Variants in HMCN2 observed in about 807,000 individuals in gnomAD.
HMCN2 encodes the protein hemicentin-2.
A neutral mutation model predicts 377.5 loss-of-function variants in HMCN2; 325 were observed. The ratio of observed to expected loss-of-function variants is 0.86; its 90% CI spans 0.79 to 0.94. HMCN2 has a LOEUF of 0.94. Among genes scored for constraint, HMCN2 ranks in the 40% least tolerant of loss-of-function variants. The pLI is 0.00. For synonymous variants in HMCN2, 2,007 were observed against 2,046.8 expected, an observed-to-expected ratio of 0.98 and a Z score of 0.53; for missense variants, 4,543 against 4,725.3, an observed-to-expected ratio of 0.96 and a Z score of 1.13.
In HMCN2 at chr9:130,304,042, G is replaced by C. The variant is rs1554935611; in HGVS notation, c.1543+434G>C. Among the ~76,000 whole-genome samples the C allele has an allele frequency of 6.6e-6, 1 of 152,164 alleles. No homozygotes were observed. Among genetic ancestry groups the C allele is most frequent in the African/African-American group, 2.4e-5 (1 of 41,434 alleles). On this transcript the variant is annotated intron_variant, in intron 10 of 97. Coordinates refer to ENST00000683500, the MANE Select transcript of HMCN2 (RefSeq NM_001291815.2). This position sits in a 1 kb window ranked among gnomAD's most constrained non-coding sequence, Gnocchi z 4.3. Reference sequence around the variant, plus strand: ...AAAAATTACGAACGCAAGCTGCTTTGTAGAGAAAAAAAGGAACCCGTAAGC... The same window carrying C: ...AAAAATTACGAACGCAAGCTGCTTTCTAGAGAAAAAAAGGAACCCGTAAGC...
intron 1 of HMCN2, among the ~76,000 whole-genome samples, chr9:130,270,583 C>T (rs1834362532): frequency 6.7e-6 from 1 of 148,446 alleles, no homozygotes; most frequent in Non-Finnish European, 1.5e-5. Context: ...AAAACAACAA[C>T]AACAAAAAGA....
chr9:130,315,121 T>G (rs900082670), intron 15 of HMCN2, among the ~76,000 whole-genome samples: 7 of 150,280 alleles, frequency 4.7e-5, no homozygotes, highest in Non-Finnish European at 1.0e-4. Context: ...CAGCCTCACC[T>G]GCAAGCAGGA....
chr9:130,372,999 C>CT (rs55770008), intron 47 of HMCN2, 39 bp from the exon 48 acceptor site: 13 of 149,014 alleles, frequency 8.7e-5, no homozygotes, highest in African/African-American at 3.2e-4. Context: ...CCCCCCCCCC[C>CT]ACCCCATCAC....
rs1328417626 is a variant in HMCN2 at position 130,349,448 on chromosome 9, TG to T, written c.4304-83del. The T allele has an allele frequency of 7.3e-6, 9 of 1,230,140 alleles. No homozygotes were observed. In the East Asian group the frequency reaches 2.9e-4, roughly 39 times the overall value. The allele number at this position is 1,230,140 out of a possible 1,614,324, so 76.2% of individuals were successfully genotyped here. On this transcript the variant is annotated intron_variant, in intron 28 of 97. Transcript: ENST00000683500. ...GGTCAGGTAGGAGGGGGGCCCAGGC[TG>T]GGGGGTCTGCACAGACAAAGGCCCC... is the stretch of plus-strand genomic sequence containing the variant.
At position 130,403,179 on chromosome 9, in the gene HMCN2, C is replaced by G; in HGVS notation, c.11879-15C>G. On this transcript the variant is annotated splice_polypyrimidine_tract_variant and intron_variant, in intron 78 of 97. Coordinates refer to ENST00000683500, the MANE Select transcript of HMCN2 (RefSeq NM_001291815.2). Reference sequence around the variant, plus strand: ...AGGACATTCTCAGGGCCCTCTGCACCCCCGTCCTTTGTAGCCTCCCCGGTG... The same window carrying G: ...AGGACATTCTCAGGGCCCTCTGCACGCCCGTCCTTTGTAGCCTCCCCGGTG... 1 of 1,287,148 alleles carries G rather than the reference C, an allele frequency of 7.8e-7. No individual in the cohort carries two copies. The highest frequency in any genetic ancestry group is 1.0e-6 in the Non-Finnish European group (1 of 987,194). 79.7% of individuals were successfully genotyped at this position (1,287,148 alleles called of 1,614,324 possible).
Position 130,310,078 on chromosome 9 carries a change from T to C in HMCN2, c.2350+17T>C, listed in dbSNP as rs782696920. ...CGGTTGGACGTGAGTGTATACCTTG[T>C]CTCCCCCTCCCCTGCCCATTCCCCT... On this transcript the variant is annotated intron_variant, in intron 15 of 97. Transcript: ENST00000683500. 5 of 517,010 alleles carry C rather than the reference T, an allele frequency of 9.7e-6. No homozygotes were observed. The highest frequency in any genetic ancestry group is 5.8e-5 in the South Asian group (4 of 69,268). 32.0% of individuals were successfully genotyped at this position (517,010 alleles called of 1,614,324 possible).
chr9:130,283,583 C>G (rs1835258459), intron 1 of HMCN2, among the ~76,000 whole-genome samples: 1 of 152,306 alleles, frequency 6.6e-6, no homozygotes, highest in South Asian at 2.1e-4. Context: ...TCAGACAGTT[C>G]CTTCCAAGTC....
intron 85 of HMCN2, 55 bp downstream of exon 85, chr9:130,410,707 G>A: frequency 6.8e-7 from 1 of 1,477,798 alleles, no homozygotes; most frequent in South Asian, 1.2e-5. Flanking sequence ...GGGGACAGCG[G>A]TGGCGTGTGC....
chr9:130,433,842 G>T lies in HMCN2; in HGVS notation c.*149G>T. On this transcript the variant is annotated 3_prime_UTR_variant, in exon 98 of 98. Coordinates refer to ENST00000683500, the MANE Select transcript of HMCN2 (RefSeq NM_001291815.2). The stretch of plus-strand genomic sequence containing the variant: ...AGACCTTGGGTCAACACGACCCTGC[G>T]CACAGCCTTGACCCCCGACAGCGAG... The T allele has an allele frequency of 1.5e-6, 1 of 674,452 alleles. No homozygotes were observed. The highest frequency in any genetic ancestry group is 3.4e-5 in the East Asian group (1 of 29,046). 41.8% of individuals were successfully genotyped at this position (674,452 alleles called of 1,614,324 possible).
rs1228870780 is a variant in HMCN2, at chr9:130,385,601, G to T, written c.9148G>T (p.Ala3050Ser). The T allele has an allele frequency of 7.7e-7, 1 of 1,304,086 alleles. No homozygotes were observed. The highest frequency in any genetic ancestry group is 1.0e-6 in the Non-Finnish European group (1 of 988,920). 80.8% of individuals were successfully genotyped at this position (1,304,086 alleles called of 1,614,324 possible). The change falls in exon 60 of 98, where the codon GCG becomes TCG. Residue 3050 changes from alanine (A) to serine (S), a missense_variant. Physicochemically the swap from Ala to Ser is moderately conservative, Grantham distance 99. Coordinates refer to ENST00000683500, the MANE Select transcript of HMCN2 (RefSeq NM_001291815.2). ...GCAGGCTCCCAGAGGTCCCCAGGAT[G>T]CGGTCCTGGTGAGGGTCGGGGACAA... is the stretch of plus-strand genomic sequence containing the variant. ...FRQAPRGPQD[A>S]VLVRVGDKAV... is the part of the protein sequence containing the mutation.
At chr9:130,313,604 C>T (rs1398784380) in intron 15 of HMCN2, among the ~76,000 whole-genome samples, 1 of 151,630 alleles carries the variant, frequency 6.6e-6, no homozygotes, top group South Asian at 2.1e-4. Context: ...GTGGGCACCC[C>T]CCCCCATAAA....
At chr9:130,279,324 G>A (rs2131257116) in intron 1 of HMCN2, among the ~76,000 whole-genome samples, 1 of 152,158 alleles carries the variant, frequency 6.6e-6, no homozygotes, top group African/African-American at 2.4e-5. Context: ...AGAAAGGTGG[G>A]GGTCTTCAGA....
In HMCN2 at chr9:130,354,618, AGG is replaced by A. The variant is rs890167452; in HGVS notation, c.4865-142_4865-141del. 6 of 675,238 alleles carry A rather than the reference AGG, an allele frequency of 8.9e-6. No individual in the cohort carries two copies. The African/African-American group carries it at 1.1e-4, about 13-fold the overall frequency. 41.8% of individuals were successfully genotyped at this position (675,238 alleles called of 1,614,324 possible). A position where few individuals can be genotyped will look rare whatever the true frequency, so the allele number is the denominator to read the frequency against. On this transcript the variant is annotated intron_variant, in intron 31 of 97. Transcript: ENST00000683500. ...AGAATGCTGCCCCGGGGTCTGAGCAAGGGGTTCAGCCACTGGAGGTGAGGGAA... is the reference window on the plus strand; with the variant it reads ...AGAATGCTGCCCCGGGGTCTGAGCAAGGTTCAGCCACTGGAGGTGAGGGAA...
At position 130,307,452 on chromosome 9, in the gene HMCN2, G is replaced by C. The variant is rs1554937232; in HGVS notation, c.2087-1G>C. On this transcript the variant is annotated splice_acceptor_variant, in intron 13 of 97. Coordinates refer to ENST00000683500, the MANE Select transcript of HMCN2 (RefSeq NM_001291815.2). LOFTEE classifies it high-confidence loss of function. ...AAATTCTGCATCTCTTCCCCACACA[G>C]ACCCACCGTCGGTCTCTGCTGTAAA... 8.5e-6 allele frequency: 4 copies of C among 470,984 alleles called. No individual in the cohort carries two copies. 29.2% of individuals were successfully genotyped at this position (470,984 alleles called of 1,614,324 possible).
At chr9:130,381,126 A>G (rs1273732745) in intron 54 of HMCN2, among the ~76,000 whole-genome samples, 1 of 152,218 alleles carries the variant, frequency 6.6e-6, no homozygotes, top group Non-Finnish European at 1.5e-5. Context: ...AATAGGCGTC[A>G]TGGTCACGGC....
At chr9:130,389,578 CTT>C (rs10706411) in intron 62 of HMCN2, among the ~76,000 whole-genome samples, 134 of 145,210 alleles carry the variant, frequency 9.2e-4, no homozygotes, top group African/African-American at 2.4e-3. Flanking sequence ...GTACTTCATT[CTT>C]TTTTTTTTTT....
chr9:130,325,378 G>A (rs920859357), intron 19 of HMCN2, among the ~76,000 whole-genome samples: 6 of 152,320 alleles, frequency 3.9e-5, no homozygotes, highest in Non-Finnish European at 5.9e-5. Flanking sequence ...TTACAGGCAT[G>A]AGCCACCATG....
At chr9:130,346,528 GACTGA>G (rs1412654620) in intron 25 of HMCN2, among the ~76,000 whole-genome samples, 1 of 151,974 alleles carries the variant, frequency 6.6e-6, no homozygotes, top group Middle Eastern at 3.2e-3. Flanking sequence ...CTGGCAAAGT[GACTGA>G]CCCAGGCTTG....
intron 15 of HMCN2, among the ~76,000 whole-genome samples, chr9:130,312,476 CCTTTCTTTCTCTCTCTCT>C: frequency 7.8e-6 from 1 of 128,606 alleles, no homozygotes; most frequent in South Asian, 2.9e-4. Context: ...TTATTTATTT[CCTTTCTTTCTCTCTCTCT>C]CTTTCTTTCT....
Sources: allele counts gnomAD v4.1 joint callset (sites outside exome capture counted in the v4.1 genomes callset), GRCh38; gene constraint gnomAD v4.1.1; non-coding constraint Gnocchi (gnomAD v3.1); transcripts MANE v1.5; gene names NCBI Gene and HGNC (gene_info 2026-07-23, HGNC 2026-07-21).